The following KAZN variants were observed in gnomAD, a reference collection of about 807,000 sequenced individuals.
KAZN encodes the protein kazrin, periplakin interacting protein.
A neutral mutation model predicts 87.4 loss-of-function variants in KAZN; 40 were observed. The ratio of observed to expected loss-of-function variants is 0.46; its 90% CI spans 0.36 to 0.60. The LOEUF (loss-of-function observed/expected upper bound fraction) is 0.60. Among genes scored for constraint, KAZN ranks in the 20% least tolerant of loss-of-function variants. The pLI, the probability that KAZN is intolerant of heterozygous loss-of-function variation, is 0.00. For missense variants in KAZN, 898 were observed against 1,073.9 expected (o/e 0.84, Z 2.29); for synonymous variants, 466 against 458.3 (o/e 1.02, Z -0.22).
chr1:14,728,196 G>C (rs1195358224), intron 1 of KAZN, among the ~76,000 whole-genome samples: 1 of 147,370 alleles, frequency 6.8e-6, no homozygotes, highest in Non-Finnish European at 1.5e-5. Flanking sequence ...TGAGGCAGGA[G>C]AATCGCTTGA....
chr1:14,252,339 A>G (rs1287447327), intron 2 of KAZN, among the ~76,000 whole-genome samples: 3 of 152,226 alleles, frequency 2.0e-5, no homozygotes, highest in African/African-American at 7.2e-5. Context: ...CTATGACAGC[A>G]TCTTATTATC....
chr1:14,598,555 G>T, upstream of KAZN: 1 of 537,120 alleles, frequency 1.9e-6, no homozygotes, highest in South Asian at 7.1e-5. This position sits in a 1 kb window ranked among gnomAD's most constrained non-coding sequence, Gnocchi z 4.2. Context: ...CCGCCCCCCC[G>T]GGGGGTGTGT....
intron 1 of KAZN, among the ~76,000 whole-genome samples, chr1:14,849,164 C>G (rs776312060): frequency 6.6e-6 from 1 of 152,176 alleles, no homozygotes; most frequent in African/African-American, 2.4e-5. Context: ...TGCGTTCATT[C>G]CGCTTAAGTT....
chr1:14,835,406 A>T (rs572631847), intron 1 of KAZN, among the ~76,000 whole-genome samples: 1 of 152,316 alleles, frequency 6.6e-6, no homozygotes, highest in African/African-American at 2.4e-5. Context: ...CCCCGTAGGC[A>T]GAGCCAGAGA....
At chr1:14,283,144 C>CT (rs1176337749) in intron 2 of KAZN, among the ~76,000 whole-genome samples, 4 of 152,184 alleles carry the variant, frequency 2.6e-5, no homozygotes, top group Non-Finnish European at 5.9e-5. Context: ...GTTTTTTCCA[C>CT]TTTCGCAGAC....
At chr1:13,982,648 C>T (rs910064116) in intron 1 of KAZN, among the ~76,000 whole-genome samples, 90 of 152,128 alleles carry the variant, frequency 5.9e-4, no homozygotes, top group Non-Finnish European at 9.3e-4. Flanking sequence ...TTTGACAGGG[C>T]GCTGATTGGT....
intron 2 of KAZN, among the ~76,000 whole-genome samples, chr1:14,584,544 C>A (rs950508089): frequency 1.3e-5 from 2 of 152,208 alleles, no homozygotes; most frequent in African/African-American, 4.8e-5. Context: ...TGCCAAGTTT[C>A]TTTCACTTGC....
chr1:15,087,148 C>T (rs1640295838), intron 8 of KAZN, among the ~76,000 whole-genome samples: 1 of 152,192 alleles, frequency 6.6e-6, no homozygotes, highest in African/African-American at 2.4e-5. Context: ...AATAATCTTC[C>T]ATCCAGACCA....
At chr1:14,609,311 A>G (rs1677626952) in intron 1 of KAZN, among the ~76,000 whole-genome samples, 1 of 152,194 alleles carries the variant, frequency 6.6e-6, no homozygotes, top group Non-Finnish European at 1.5e-5. Flanking sequence ...CCTGTTTGCA[A>G]TTTGACATGG....
At chr1:14,503,510 T>A (rs1308763001) in intron 2 of KAZN, among the ~76,000 whole-genome samples, 1 of 149,246 alleles carries the variant, frequency 6.7e-6, no homozygotes, top group Non-Finnish European at 1.5e-5. Flanking sequence ...TGAATTGATA[T>A]GTGTAGAGTG....
At chr1:14,469,935 CAAA>C (rs1311380444) in intron 2 of KAZN, among the ~76,000 whole-genome samples, 3 of 151,944 alleles carry the variant, frequency 2.0e-5, no homozygotes, top group Non-Finnish European at 4.4e-5. Flanking sequence ...TTATAAAACA[CAAA>C]GAAATAGTGT....
rs552513290 is a variant in KAZN, at chr1:14,773,491, C to T, written c.226+174268C>T. On this transcript the variant is annotated intron_variant, in intron 1 of 14. Transcript: ENST00000376030. This position sits in a 1 kb window ranked among gnomAD's most constrained non-coding sequence, Gnocchi z 5.9. The stretch of plus-strand genomic sequence containing the variant: ...GTAAACACCCCCGAGGGAGGAAGGC[C>T]CTTCCAGAGTGGTCACTGGGAGGCA... Among the ~76,000 whole-genome samples, 1 of 152,234 alleles carries T rather than the reference C, an allele frequency of 6.6e-6. No homozygotes were observed. The highest frequency in any genetic ancestry group is 1.9e-4 in the East Asian group (1 of 5,170).
chr1:13,949,698 T>C (rs942519819), intron 1 of KAZN, among the ~76,000 whole-genome samples: 2 of 152,164 alleles, frequency 1.3e-5, no homozygotes, highest in African/African-American at 4.8e-5. Context: ...ATATACCTTA[T>C]GATGGAGAAG....
At chr1:14,105,292 T>C (rs999676629) in intron 1 of KAZN, among the ~76,000 whole-genome samples, 6 of 152,188 alleles carry the variant, frequency 3.9e-5, no homozygotes, top group African/African-American at 1.4e-4. Flanking sequence ...ATCTGGGAGA[T>C]GAAGACTGAG....
intron 1 of KAZN, among the ~76,000 whole-genome samples, chr1:13,921,721 G>A (rs1325260992): frequency 1.3e-5 from 2 of 152,070 alleles, no homozygotes; most frequent in Non-Finnish European, 2.9e-5. Context: ...CGCCTCCCGG[G>A]TTCATGCCAT....
chr1:14,505,243 C>T (rs1032934992), intron 2 of KAZN, among the ~76,000 whole-genome samples: 1 of 152,128 alleles, frequency 6.6e-6, no homozygotes, highest in Admixed American at 6.5e-5. Flanking sequence ...GGCCAGTGGC[C>T]ATCCCTGAAC....
At chr1:14,697,532 T>C (rs559889883) in intron 1 of KAZN, among the ~76,000 whole-genome samples, 28 of 152,310 alleles carry the variant, frequency 1.8e-4, no homozygotes, top group African/African-American at 5.5e-4. Context: ...CCATTTCTCA[T>C]TGATTTACAT....
chr1:14,874,457 G>A (rs567317001), intron 1 of KAZN, among the ~76,000 whole-genome samples: 27 of 148,250 alleles, frequency 1.8e-4, no homozygotes, highest in Middle Eastern at 3.4e-3. Context: ...TGAATCGCTA[G>A]CTAGCTGGCT....
At chr1:14,915,501 T>TCC (rs2101432163) in intron 1 of KAZN, among the ~76,000 whole-genome samples, 1 of 152,030 alleles carries the variant, frequency 6.6e-6, no homozygotes, top group African/African-American at 2.4e-5. Flanking sequence ...GAGCCAAGGG[T>TCC]CCCACTTGGG....
Sources: allele counts gnomAD v4.1 joint callset (sites outside exome capture counted in the v4.1 genomes callset), GRCh38; gene constraint gnomAD v4.1.1; non-coding constraint Gnocchi (gnomAD v3.1); transcripts MANE v1.5; gene names NCBI Gene and HGNC (gene_info 2026-07-23, HGNC 2026-07-21).